DOP1B: variants seen among roughly 807,000 people sequenced by gnomAD.
DOP1B encodes protein DOP1B.
DOP1B carries 174 observed loss-of-function variants against 233.5 expected under a neutral mutation model. The observed-to-expected ratio is 0.75, with a 90% CI of 0.66 to 0.85. The LOEUF (loss-of-function observed/expected upper bound fraction) is 0.85, where lower values mean the gene tolerates loss of function less well. DOP1B is among the 40% of genes least tolerant of loss of function. The pLI is 0.00. For synonymous variants in DOP1B, 1,190 were observed against 1,185.6 expected, an observed-to-expected ratio of 1.00 and a Z score of -0.08; for missense variants, 2,652 against 2,846.6, an observed-to-expected ratio of 0.93 and a Z score of 1.56.
rs1294520725 is a variant in DOP1B at position 36,214,523 on chromosome 21, G to A, written c.1096G>A (p.Val366Ile). 69 of 1,613,816 alleles carry A rather than the reference G, an allele frequency of 4.3e-5. No homozygotes were observed. The highest frequency in any genetic ancestry group is 2.2e-4 in the Admixed American group (13 of 59,904). Residue 366 changes from valine (V) to isoleucine (I), a missense_variant, in exon 9 of 37, where the codon GTC (valine) becomes ATC (isoleucine). This residue lies in a region of DOP1B where 2,617 missense variants were observed against 2,794.3 expected (regional missense o/e 0.94). Coordinates refer to ENST00000691173, the MANE Select transcript of DOP1B (RefSeq NM_001320714.2). ...RHHAYLKPFR[V>I]LISLLDKPEI... ...TCATGCATACCTGAAGCCTTTTCGC[G>A]TCCTCATCAGTCTGCTTGACAAGCC... is the stretch of plus-strand genomic sequence containing the variant.
intron 2 of DOP1B, among the ~76,000 whole-genome samples, chr21:36,191,127 A>G (rs747161146): frequency 4.6e-5 from 7 of 152,188 alleles, no homozygotes; most frequent in Non-Finnish European, 8.8e-5. Flanking sequence ...GAGTTTTCCT[A>G]GCCGTGGCTA....
rs1355832989 is a variant in DOP1B, at chr21:36,211,434, G to A, written c.682-119G>A. ...ACCCACACCCTCCTGACCTGTGGCT[G>A]CTGGTTCTCTTCTGAGTGATATAAC... is the stretch of plus-strand genomic sequence containing the variant. On this transcript the variant is annotated intron_variant, in intron 5 of 36. Transcript: ENST00000691173. The A allele has an allele frequency of 3.4e-6, 3 of 874,428 alleles. No individual in the cohort carries two copies. The East Asian group carries it at 7.8e-5, about 23-fold the overall frequency. 54.2% of individuals were successfully genotyped at this position (874,428 alleles called of 1,614,324 possible). A position where few individuals can be genotyped will look rare whatever the true frequency, so the allele number is the denominator to read the frequency against.
At chr21:36,159,360 A>G (rs2065849727) in intron 1 of DOP1B, among the ~76,000 whole-genome samples, 1 of 152,142 alleles carries the variant, frequency 6.6e-6, no homozygotes, top group South Asian at 2.1e-4. Context: ...CTGAGGCAGG[A>G]GAATCGCTTG....
At chr21:36,218,859 A>G (rs1377647457) in intron 9 of DOP1B, among the ~76,000 whole-genome samples, 1 of 152,188 alleles carries the variant, frequency 6.6e-6, no homozygotes, top group Admixed American at 6.5e-5. Context: ...TCAGCGTTTC[A>G]GGATAGCCAT....
intron 5 of DOP1B, 46 bp downstream of exon 5, chr21:36,208,950 G>C: frequency 6.9e-7 from 1 of 1,459,352 alleles, no homozygotes; most frequent in Non-Finnish European, 9.1e-7. Context: ...GGCGACATGT[G>C]GGCACAGCAT....
chr21:36,195,716 G>A (rs984864852), intron 2 of DOP1B, among the ~76,000 whole-genome samples: 3 of 152,226 alleles, frequency 2.0e-5, no homozygotes, highest in Non-Finnish European at 4.4e-5. Flanking sequence ...TGAAATGAGT[G>A]GTTGTGGTTC....
intron 2 of DOP1B, among the ~76,000 whole-genome samples, chr21:36,166,911 G>A (rs755440613): frequency 6.6e-6 from 1 of 152,218 alleles, no homozygotes; most frequent in Non-Finnish European, 1.5e-5. Flanking sequence ...AAATGTCACG[G>A]CTCCGTGCTG....
At position 36,169,184 on chromosome 21, in the gene DOP1B, A is replaced by G. The variant is rs2065946043; in HGVS notation, c.138+4313A>G. On this transcript the variant is annotated intron_variant, in intron 2 of 36. Coordinates refer to ENST00000691173, the MANE Select transcript of DOP1B (RefSeq NM_001320714.2). ...CTTGGTTCCCACCACACAGCCTTTC[A>G]GCATAACAGAGTTATTGGTCACTTC... The G allele has an allele frequency of 5.6e-5, 58 of 1,037,594 alleles. No homozygotes were observed. The South Asian group carries it at 7.1e-4, about 13-fold the overall frequency. 64.3% of individuals were successfully genotyped at this position (1,037,594 alleles called of 1,614,324 possible).
chr21:36,183,805 G>T (rs1044574262), intron 2 of DOP1B, among the ~76,000 whole-genome samples: 2 of 151,978 alleles, frequency 1.3e-5, no homozygotes, highest in African/African-American at 2.4e-5. Flanking sequence ...CTTTGGGCTT[G>T]AATGTATCTG....
intron 2 of DOP1B, among the ~76,000 whole-genome samples, chr21:36,187,567 G>A (rs2066178803): frequency 6.6e-6 from 1 of 151,750 alleles, no homozygotes; most frequent in Non-Finnish European, 1.5e-5. Context: ...AAAGTGCTGG[G>A]ATTATAGGCA....
chr21:36,234,139 T>A (rs2066799394), intron 15 of DOP1B, among the ~76,000 whole-genome samples: 1 of 152,056 alleles, frequency 6.6e-6, no homozygotes, highest in Non-Finnish European at 1.5e-5. Context: ...ATTATAGGTG[T>A]GAGCCACCGT....
At chr21:36,263,402 T>A in intron 24 of DOP1B, 144 bp from the exon 25 acceptor site, 1 of 679,808 alleles carries the variant, frequency 1.5e-6, no homozygotes, top group Non-Finnish European at 2.5e-6. Flanking sequence ...TCATGTACAT[T>A]GTAAGTTTTT....
intron 15 of DOP1B, among the ~76,000 whole-genome samples, chr21:36,235,093 A>T (rs561001541): frequency 3.3e-5 from 5 of 152,306 alleles, no homozygotes; most frequent in African/African-American, 1.2e-4. Flanking sequence ...CTTGGAGCAC[A>T]CTTTTATGTA....
At chr21:36,175,209 C>G (rs2066009973) in intron 2 of DOP1B, among the ~76,000 whole-genome samples, 1 of 151,828 alleles carries the variant, frequency 6.6e-6, no homozygotes, top group Admixed American at 6.6e-5. Flanking sequence ...CTCCCAGATT[C>G]AAGCGATTCT....
At chr21:36,181,440 G>A (rs928919107) in intron 2 of DOP1B, among the ~76,000 whole-genome samples, 2 of 152,014 alleles carry the variant, frequency 1.3e-5, no homozygotes, top group Non-Finnish European at 1.5e-5. Context: ...CACCACGCCC[G>A]GCTAATTTTT....
intron 4 of DOP1B, among the ~76,000 whole-genome samples, chr21:36,201,460 G>A (rs58660094): frequency 0.25 from 36,490 of 146,806 alleles, 4,338 homozygotes; most frequent in Non-Finnish European, 0.26. Flanking sequence ...TGATTCTCCC[G>A]CCGCAGCCTC....
At chr21:36,181,680 G>A (rs772311124) in intron 2 of DOP1B, among the ~76,000 whole-genome samples, 37 of 152,294 alleles carry the variant, frequency 2.4e-4, no homozygotes, top group Non-Finnish European at 1.8e-4. Context: ...CACACATACT[G>A]AGGTTTTAAC....
rs1245111311 is a variant in DOP1B at position 36,280,281 on chromosome 21, C to A, written c.5970-4C>A. On this transcript the variant is annotated splice_region_variant and splice_polypyrimidine_tract_variant and intron_variant, in intron 30 of 36. Coordinates refer to ENST00000691173, the MANE Select transcript of DOP1B (RefSeq NM_001320714.2). ...TAATTGATTTTGCTTTCTTTAATATCCAGTTGGAAGTCCATTATTGACCAT... is the reference window on the plus strand; with the variant it reads ...TAATTGATTTTGCTTTCTTTAATATACAGTTGGAAGTCCATTATTGACCAT... 1 of 1,596,918 alleles carries A rather than the reference C, an allele frequency of 6.3e-7. No homozygotes were observed. Among genetic ancestry groups the A allele is most frequent in the South Asian group, 1.1e-5 (1 of 88,944 alleles).
At position 36,293,307 on chromosome 21, in the gene DOP1B, GT is replaced by G. The variant is rs759245690; in HGVS notation, c.6646-7del. The G allele has an allele frequency of 2.5e-6, 4 of 1,611,068 alleles. No individual in the cohort carries two copies. Among genetic ancestry groups the G allele is most frequent in the South Asian group, 1.1e-5 (1 of 90,890 alleles). Reference sequence around the variant, plus strand: ...AAAACCATATCATTGTTATGGGTTTGTTTTTTCTGCAGGAAATCAGTAGCTC... The same window carrying G: ...AAAACCATATCATTGTTATGGGTTTGTTTTTCTGCAGGAAATCAGTAGCTC... On this transcript the variant is annotated splice_polypyrimidine_tract_variant and intron_variant, in intron 36 of 36. Transcript: ENST00000691173.
Sources: allele counts gnomAD v4.1 joint callset (sites outside exome capture counted in the v4.1 genomes callset), GRCh38; gene constraint gnomAD v4.1.1; regional missense constraint gnomAD v4.1.1; transcripts MANE v1.5; gene names NCBI Gene and HGNC (gene_info 2026-07-23, HGNC 2026-07-21).